The following SLC38A8 variants were observed in gnomAD, a reference collection of about 807,000 sequenced individuals.
The protein encoded by SLC38A8 is amino acid transporter SLC38A8.
In SLC38A8, 65 loss-of-function variants were observed where a neutral mutation model predicts 46.0. The observed-to-expected ratio is 1.41, with a 90% CI of 1.16 to 1.74. SLC38A8 has a LOEUF of 1.74. Among genes scored for constraint, SLC38A8 ranks in the 40% most tolerant of loss-of-function variants. SLC38A8 has a pLI of 0.00. For missense variants in SLC38A8, 998 were observed against 567.9 expected, an observed-to-expected ratio of 1.76 and a Z score of -7.70; for synonymous variants, 447 against 243.7, an observed-to-expected ratio of 1.83 and a Z score of -7.77.
chr16:84,031,794 CA>C, intron 5 of SLC38A8, 72 bp downstream of exon 5: 2 of 1,305,572 alleles, frequency 1.5e-6, no homozygotes, highest in Non-Finnish European at 2.2e-6. Flanking sequence ...GCTCCTCCTC[CA>C]AGACTCCCCT....
At chr16:84,038,443 T>G (rs1018977612) in intron 2 of SLC38A8, among the ~76,000 whole-genome samples, 3 of 152,152 alleles carry the variant, frequency 2.0e-5, no homozygotes, top group African/African-American at 7.2e-5. Flanking sequence ...CACCCATGCC[T>G]CTGTGAGGCC....
At chr16:84,024,763 C>A (rs563193637) in intron 6 of SLC38A8, among the ~76,000 whole-genome samples, 1 of 152,150 alleles carries the variant, frequency 6.6e-6, no homozygotes, top group Non-Finnish European at 1.5e-5. Context: ...GAACTTGGCT[C>A]GCCGCAACCT....
At position 84,029,450 on chromosome 16, in the gene SLC38A8, G is replaced by C. The variant is rs374078911; in HGVS notation, c.690+44C>G. The stretch of plus-strand genomic sequence containing the variant: ...CCAAGGGAGCAGAGAGTCACCCACA[G>C]CCTCTGCAAACGCCACAGGCTGCAA... On this transcript the variant is annotated intron_variant, in intron 6 of 10. Transcript: ENST00000299709. The C allele has an allele frequency of 4.4e-6, 7 of 1,604,278 alleles. No individual in the cohort carries two copies. The African/African-American group carries it at 5.3e-5, about 12-fold the overall frequency.
chr16:84,013,641 G>A (rs2084985782), intron 9 of SLC38A8, among the ~76,000 whole-genome samples: 1 of 151,774 alleles, frequency 6.6e-6, no homozygotes, highest in South Asian at 2.1e-4. Context: ...ATGTTGGTCA[G>A]GATGGTCTGG....
chr16:84,027,544 T>C (rs778354396), intron 6 of SLC38A8, among the ~76,000 whole-genome samples: 5 of 151,876 alleles, frequency 3.3e-5, no homozygotes, highest in Non-Finnish European at 7.4e-5. Context: ...CAGGTCAGAG[T>C]TCCTGATGAC....
chr16:84,042,176 G>A lies in SLC38A8; in HGVS notation c.-2-17C>T, dbSNP rs761438012. The A allele has an allele frequency of 1.9e-6, 3 of 1,596,290 alleles. No individual in the cohort carries two copies. Among genetic ancestry groups the A allele is most frequent in the African/African-American group, 1.3e-5 (1 of 74,274 alleles). ...CCTCCATGGCTAGAGGCGGCAGAGG[G>A]GTGGAGAGAAAGCACAGTCTTCACG... On this transcript the variant is annotated splice_polypyrimidine_tract_variant and intron_variant, in intron 1 of 10. Transcript: ENST00000299709.
At chr16:84,031,778 C>G (rs897190725) in intron 5 of SLC38A8, 89 bp downstream of exon 5, 2 of 1,133,036 alleles carry the variant, frequency 1.8e-6, no homozygotes, top group Non-Finnish European at 2.6e-6. Context: ...CAGTGAGCCA[C>G]GAGAGGCTCC....
intron 6 of SLC38A8, among the ~76,000 whole-genome samples, chr16:84,023,293 G>A (rs1250676586): frequency 6.6e-6 from 1 of 152,112 alleles, no homozygotes; most frequent in Non-Finnish European, 1.5e-5. Flanking sequence ...CCCAGCCAAT[G>A]GGAAAAGGGT....
chr16:84,038,884 C>A (rs758666861), intron 2 of SLC38A8, among the ~76,000 whole-genome samples: 28 of 152,342 alleles, frequency 1.8e-4, no homozygotes, highest in African/African-American at 6.7e-4. Context: ...GAATAGATCA[C>A]AATTAGCTGA....
intron 2 of SLC38A8, among the ~76,000 whole-genome samples, chr16:84,040,768 C>T (rs1038232839): frequency 9.9e-5 from 15 of 152,222 alleles, no homozygotes; most frequent in African/African-American, 3.4e-4. Flanking sequence ...ATATCATCCC[C>T]CGATCCCCAG....
chr16:84,034,597 G>C (rs1003831328), intron 3 of SLC38A8, among the ~76,000 whole-genome samples: 14 of 152,210 alleles, frequency 9.2e-5, no homozygotes, highest in African/African-American at 3.4e-4. Flanking sequence ...GGTGTCTTAA[G>C]TGCTTCTTTG....
At chr16:84,024,801 T>C (rs928548860) in intron 6 of SLC38A8, among the ~76,000 whole-genome samples, 2 of 152,046 alleles carry the variant, frequency 1.3e-5, no homozygotes, top group Non-Finnish European at 2.9e-5. Context: ...GCGACTCTCC[T>C]GCCTCAGCCT....
At chr16:84,015,412 G>C (rs1008318127) in intron 9 of SLC38A8, among the ~76,000 whole-genome samples, 1 of 152,128 alleles carries the variant, frequency 6.6e-6, no homozygotes, top group African/African-American at 2.4e-5. Flanking sequence ...CTGGAGGCAG[G>C]AGGGAAGGGA....
chr16:84,032,752 G>A (rs2085257295), intron 4 of SLC38A8, among the ~76,000 whole-genome samples: 1 of 152,210 alleles, frequency 6.6e-6, no homozygotes. Flanking sequence ...CAGGGAAAAG[G>A]CAGGCAGCAG....
rs1054817840 is a variant in SLC38A8, at chr16:84,029,671, T to G, written c.633-120A>C. 8 of 985,114 alleles carry G rather than the reference T, an allele frequency of 8.1e-6. No homozygotes were observed. In the African/African-American group the frequency reaches 1.3e-4, roughly 16 times the overall value. The allele number at this position is 985,114 out of a possible 1,614,324, so 61.0% of individuals were successfully genotyped here. A position where few individuals can be genotyped will look rare whatever the true frequency, so the allele number is the denominator to read the frequency against. On this transcript the variant is annotated intron_variant, in intron 5 of 10. Transcript: ENST00000299709. ...TGTAACAGAGCATGGCTGCAAGATG[T>G]ATTTTTAATGACTGTGTCCGTGACC...
intron 2 of SLC38A8, among the ~76,000 whole-genome samples, chr16:84,038,159 A>G (rs983011951): frequency 1.7e-4 from 26 of 152,098 alleles, no homozygotes; most frequent in African/African-American, 6.0e-4. Context: ...AAAAACACAA[A>G]AATTAGCCAG....
chr16:84,029,512 G>T lies in SLC38A8; in HGVS notation c.672C>A (p.Thr224=). 1 of 1,614,126 alleles carries T rather than the reference G, an allele frequency of 6.2e-7. No homozygotes were observed. Among genetic ancestry groups the T allele is most frequent in the Non-Finnish European group, 8.5e-7 (1 of 1,180,018 alleles). The change falls in exon 6 of 11, where the codon ACC becomes ACA. Residue 224 remains threonine (T), a synonymous_variant. Transcript: ENST00000299709. ...AAATTACCTGAAACCCGAAGCAGAT[G>T]GTGGGGAAGACACTGAACACAGAGG... ...SWTSVFSVFP[T]ICFGFQCHEA...
intron 8 of SLC38A8, among the ~76,000 whole-genome samples, 188 bp downstream of exon 8, chr16:84,016,952 G>C (rs2085034629): frequency 6.6e-6 from 1 of 152,202 alleles, no homozygotes; most frequent in African/African-American, 2.4e-5. Flanking sequence ...TCCAGTCCTG[G>C]CTGTGGACAC....
intron 5 of SLC38A8, among the ~76,000 whole-genome samples, chr16:84,030,203 C>T (rs994890251): frequency 2.6e-5 from 4 of 152,184 alleles, no homozygotes; most frequent in Non-Finnish European, 4.4e-5. Context: ...GAACACAGAT[C>T]GCCGCGGCCC....
Sources: gnomAD v4.1 joint callset for allele counts (sites outside exome capture counted in the v4.1 genomes callset) on GRCh38, gnomAD v4.1.1 for gene constraint, MANE v1.5 for transcripts, NCBI Gene and HGNC (gene_info 2026-07-23, HGNC 2026-07-21) for gene names.